The following DHX30 variants were observed in gnomAD, a reference collection of about 807,000 sequenced individuals.
The protein encoded by DHX30 is ATP-dependent RNA helicase DHX30.
DHX30 carries 4 observed loss-of-function variants against 116.9 expected under a neutral mutation model. The ratio of observed to expected loss-of-function variants is 0.03; its 90% CI spans 0.02 to 0.08. The LOEUF (loss-of-function observed/expected upper bound fraction) is 0.08. Ranked by LOEUF, DHX30 falls within the 10% of genes least tolerant of loss-of-function variation. The pLI is 1.00. For missense variants in DHX30, 871 were observed against 1,595.1 expected (o/e 0.55, Z 7.73); for synonymous variants, 697 against 651.7 (o/e 1.07, Z -1.06).
intron 2 of DHX30, among the ~76,000 whole-genome samples, chr3:47,806,413 A>T (rs866845221): frequency 6.7e-6 from 1 of 149,886 alleles, no homozygotes; most frequent in Non-Finnish European, 1.5e-5. Flanking sequence ...AAGTGCTGGG[A>T]TTACAGGTGT....
At position 47,834,776 on chromosome 3, in the gene DHX30, A is replaced by C. The variant is rs2037029079; in HGVS notation, c.366+5642A>C. Among the ~76,000 whole-genome samples the C allele has an allele frequency of 3.3e-5, 5 of 151,966 alleles. No individual in the cohort carries two copies. In the South Asian group the frequency reaches 1.0e-3, roughly 32 times the overall value. ...CACCTGGCCAGATCTCCTCTTCTTT[A>C]AAGGCTGAATAATATCCTGTTGTGT... On this transcript the variant is annotated intron_variant, in intron 6 of 21. Transcript: ENST00000445061.
At chr3:47,817,058 GTA>G (rs1336576193) in intron 3 of DHX30, 2 of 665,114 alleles carry the variant, frequency 3.0e-6, no homozygotes, top group Non-Finnish European at 3.7e-6. Context: ...TTTACCAATT[GTA>G]TATGAGTCAA....
At chr3:47,839,988 TTTTTC>T (rs1398108089) in intron 6 of DHX30, among the ~76,000 whole-genome samples, 8 of 137,508 alleles carry the variant, frequency 5.8e-5, no homozygotes, top group Non-Finnish European at 1.1e-4. Context: ...TACGTATTTT[TTTTTC>T]TTTTCTTTTC....
At chr3:47,843,336 T>C in intron 9 of DHX30, 81 bp downstream of exon 9, 1 of 1,570,746 alleles carries the variant, frequency 6.4e-7, no homozygotes, top group South Asian at 1.2e-5. Context: ...GGTCCCATTT[T>C]CTAGGAAATG....
chr3:47,820,810 T>C (rs1401054023), intron 4 of DHX30, among the ~76,000 whole-genome samples: 2 of 152,052 alleles, frequency 1.3e-5, no homozygotes, highest in East Asian at 1.9e-4. Context: ...ACTTCCCTCC[T>C]TTTTCACAGG....
intron 6 of DHX30, 62 bp downstream of exon 6, chr3:47,829,196 T>G: frequency 1.1e-6 from 1 of 910,322 alleles, no homozygotes; most frequent in Non-Finnish European, 1.7e-6. Flanking sequence ...GCCCTTTGTT[T>G]TTATTGGTAG....
chr3:47,818,043 G>A lies in DHX30; in HGVS notation c.50G>A (p.Arg17His), dbSNP rs138729543. The change falls in exon 4 of 22, where the codon CGT (arginine) becomes CAT (histidine). Residue 17 changes from arginine (R) to histidine (H), a missense_variant. Arg to His is a conservative substitution (Grantham distance 29). Around this residue, in one of 13 missense-constraint regions of DHX30, gnomAD observed 66 missense variants for 153.9 expected, o/e 0.43. Coordinates refer to ENST00000445061, the MANE Select transcript of DHX30 (RefSeq NM_138615.3). ...CCAGATCGGGCCCAGCACAGGCAGC[G>A]TCAGTGCAAACTTCCCCCACCCCGC... The part of the protein sequence containing the change: ...FRKDRAQHRQ[R>H]QCKLPPPRLP... The A allele has an allele frequency of 2.2e-5, 17 of 780,908 alleles. No individual in the cohort carries two copies. The highest frequency in any genetic ancestry group is 2.0e-4 in the African/African-American group (12 of 59,120). 48.4% of individuals were successfully genotyped at this position (780,908 alleles called of 1,614,324 possible).
chr3:47,804,742 A>G (rs1205247947), intron 1 of DHX30, among the ~76,000 whole-genome samples: 2 of 152,214 alleles, frequency 1.3e-5, no homozygotes, highest in African/African-American at 4.8e-5. Flanking sequence ...TTTTGGAGTC[A>G]GCATGCTTCA....
intron 3 of DHX30, among the ~76,000 whole-genome samples, chr3:47,814,126 T>TA (rs1432973444): frequency 6.6e-6 from 1 of 151,590 alleles, no homozygotes; most frequent in East Asian, 1.9e-4. Flanking sequence ...GAAAGCCCAA[T>TA]AAAAATCACG....
rs755192758 is a variant in DHX30 at position 47,840,945 on chromosome 3, C to T, written c.435C>T (p.Arg145=). The T allele has an allele frequency of 1.2e-6, 2 of 1,614,098 alleles. No homozygotes were observed. The highest frequency in any genetic ancestry group is 2.2e-5 in the East Asian group (1 of 44,884). The change falls in exon 7 of 22, where the codon CGC becomes CGT. Residue 145 remains arginine, a synonymous_variant. Coordinates refer to ENST00000445061, the MANE Select transcript of DHX30 (RefSeq NM_138615.3). Reference sequence around the variant, plus strand: ...CCAAATACCGAGTGCTAGCTGATCGCTTTGGCTCCCCTGCCGACAGCTGGT... The same window carrying T: ...CCAAATACCGAGTGCTAGCTGATCGTTTTGGCTCCCCTGCCGACAGCTGGT... ...DAAKYRVLAD[R]FGSPADSWWR...
At chr3:47,823,821 T>A (rs985845803) in intron 4 of DHX30, among the ~76,000 whole-genome samples, 3 of 152,164 alleles carry the variant, frequency 2.0e-5, no homozygotes, top group Non-Finnish European at 4.4e-5. Context: ...TTTGGCTTCT[T>A]TAGAGGCAAC....
intron 4 of DHX30, among the ~76,000 whole-genome samples, chr3:47,819,992 C>T (rs925737382): frequency 1.3e-5 from 2 of 152,216 alleles, no homozygotes; most frequent in Non-Finnish European, 2.9e-5. Context: ...TGTGTGCCCT[C>T]TTCTTGATGT....
chr3:47,845,663 C>G, intron 9 of DHX30, 37 bp from the exon 10 acceptor site: 1 of 1,528,612 alleles, frequency 6.5e-7, no homozygotes, highest in Middle Eastern at 1.8e-4. Flanking sequence ...TTGGGGAGCC[C>G]CAGAGCATAG....
chr3:47,812,344 G>A (rs1367718306), intron 3 of DHX30, among the ~76,000 whole-genome samples: 1 of 151,698 alleles, frequency 6.6e-6, no homozygotes, highest in Non-Finnish European at 1.5e-5. Context: ...GATCACTTGA[G>A]GTCAGGCATT....
rs760618198 is a variant in DHX30, at chr3:47,849,678, C to G, written c.3240C>G (p.Val1080=). The change falls in exon 21 of 22, where the codon GTC becomes GTG. Residue 1080 remains valine, a synonymous_variant. Coordinates refer to ENST00000445061, the MANE Select transcript of DHX30 (RefSeq NM_138615.3). ...RSRWLTYFMA[V]KSNGSVFVRD... ...GATGGCTGACGTATTTCATGGCAGT[C>G]AAGTCCAATGGCAGCGTCTTCGTCC... 9 of 1,614,218 alleles carry G rather than the reference C, an allele frequency of 5.6e-6. No homozygotes were observed. The highest frequency in any genetic ancestry group is 6.8e-6 in the Non-Finnish European group (8 of 1,180,030).
At chr3:47,819,387 A>C (rs760526080) in intron 4 of DHX30, 4 of 918,010 alleles carry the variant, frequency 4.4e-6, no homozygotes, top group Non-Finnish European at 6.5e-6. Flanking sequence ...CACTGATCGC[A>C]GGATGGGCAG....
chr3:47,841,151 A>T lies in DHX30; in HGVS notation c.641A>T (p.Asp214Val). Residue 214 changes from aspartate (D) to valine (V), a missense_variant, in exon 7 of 22, where the codon GAT (aspartate) becomes GTT (valine). Transcript: ENST00000445061. ...GACTTCTTGTCCATGACCCAGCAGG[A>T]TTCCCACGCTCCACTCAGGGACTCA... ...VTDFLSMTQQ[D>V]SHAPLRDSRG... 1 of 1,614,066 alleles carries T rather than the reference A, an allele frequency of 6.2e-7. No individual in the cohort carries two copies. The highest frequency in any genetic ancestry group is 1.1e-5 in the South Asian group (1 of 91,068).
rs1012829055 is a variant in DHX30 at position 47,816,126 on chromosome 3, T to A, written c.29-1896T>A. 3 of 984,212 alleles carry A rather than the reference T, an allele frequency of 3.0e-6. No homozygotes were observed. In the African/African-American group the frequency reaches 5.2e-5, roughly 17 times the overall value. 61.0% of individuals were successfully genotyped at this position (984,212 alleles called of 1,614,324 possible). ...CCTACAAGCACGTCTGCTGTAACTC[T>A]ATGTATGTTTTCTGTAAAATCACAT... On this transcript the variant is annotated intron_variant, in intron 3 of 21. Coordinates refer to ENST00000445061, the MANE Select transcript of DHX30 (RefSeq NM_138615.3).
At chr3:47,812,249 T>C (rs528847388) in intron 3 of DHX30, among the ~76,000 whole-genome samples, 178 of 148,976 alleles carry the variant, frequency 1.2e-3, no homozygotes, top group Admixed American at 2.8e-3. Flanking sequence ...AATAAATAAA[T>C]AAAATAAACA....
Sources: gnomAD v4.1 joint callset for allele counts (sites outside exome capture counted in the v4.1 genomes callset) on GRCh38, gnomAD v4.1.1 for gene constraint, gnomAD v4.1.1 regional missense constraint, MANE v1.5 for transcripts, NCBI Gene and HGNC (gene_info 2026-07-23, HGNC 2026-07-21) for gene names.